CAMSAP1: variants seen among roughly 807,000 people sequenced by gnomAD.
The protein encoded by CAMSAP1 is calmodulin regulated spectrin associated protein 1, also known as calmodulin-regulated spectrin-associated protein 1.
In CAMSAP1, 58 loss-of-function variants were observed where a neutral mutation model predicts 143.5. The observed-to-expected ratio is 0.40, with a 90% CI of 0.33 to 0.50. CAMSAP1 has a LOEUF of 0.50. CAMSAP1 is among the 20% of genes least tolerant of loss of function. The pLI, the probability that CAMSAP1 is intolerant of heterozygous loss-of-function variation, is 0.45. For missense variants in CAMSAP1, 1,969 were observed against 2,115.7 expected, an observed-to-expected ratio of 0.93 and a Z score of 1.36; for synonymous variants, 945 against 859.3, an observed-to-expected ratio of 1.10 and a Z score of -1.74.
chr9:135,885,351 C>A (rs552847398), intron 1 of CAMSAP1, among the ~76,000 whole-genome samples: 2 of 152,172 alleles, frequency 1.3e-5, no homozygotes, highest in Admixed American at 6.5e-5. Flanking sequence ...CGAGCCTAAC[C>A]GGCCTGGTCC....
At position 135,818,943 on chromosome 9, in the gene CAMSAP1, G is replaced by A; in HGVS notation, c.3959+67C>T. ...GGTCCATGCTCAGTGCCAGCAACGG[G>A]ACCGGGGCCGCCAGGGACCCACCAG... is the stretch of plus-strand genomic sequence containing the variant. On this transcript the variant is annotated intron_variant, in intron 12 of 16. Transcript: ENST00000389532. This position sits in a 1 kb window ranked among gnomAD's most constrained non-coding sequence, Gnocchi z 7.7. 1.9e-6 allele frequency: 3 copies of A among 1,568,198 alleles called. No homozygotes were observed. Among genetic ancestry groups the A allele is most frequent in the Middle Eastern group, 4.4e-4 (2 of 4,578 alleles).
Position 135,813,815 on chromosome 9 carries a change from G to C in CAMSAP1, c.4506+1282C>G, listed in dbSNP as rs1328390766. On this transcript the variant is annotated intron_variant, in intron 16 of 16. Transcript: ENST00000389532. Reference sequence around the variant, plus strand: ...CACACTGCTGCACACTGGGCAGGGAGTGTGCCTTGTGACCAGCCCCCAAGG... The same window carrying C: ...CACACTGCTGCACACTGGGCAGGGACTGTGCCTTGTGACCAGCCCCCAAGG... Among the ~76,000 whole-genome samples, 4 of 152,376 alleles carry C rather than the reference G, an allele frequency of 2.6e-5. No homozygotes were observed. The East Asian group carries it at 7.7e-4, about 29-fold the overall frequency.
At chr9:135,839,953 T>C (rs1836277733) in intron 7 of CAMSAP1, among the ~76,000 whole-genome samples, 1 of 152,148 alleles carries the variant, frequency 6.6e-6, no homozygotes, top group Non-Finnish European at 1.5e-5. Context: ...GACACACACA[T>C]GAAGCAGCCA....
intron 1 of CAMSAP1, among the ~76,000 whole-genome samples, chr9:135,892,469 T>G (rs1242545571): frequency 2.0e-5 from 3 of 152,074 alleles, no homozygotes. Flanking sequence ...TTTGGAAAGC[T>G]AAGTCAGGTG....
Position 135,826,287 on chromosome 9 carries a change from G to A in CAMSAP1, c.1223+1120C>T, listed in dbSNP as rs1481799337. On this transcript the variant is annotated intron_variant, in intron 8 of 16. Coordinates refer to ENST00000389532, the MANE Select transcript of CAMSAP1 (RefSeq NM_015447.4). The surrounding 1 kb of genome is among the most constrained non-coding windows in gnomAD (Gnocchi z 4.4). The stretch of plus-strand genomic sequence containing the variant: ...CCACGCTGGCCCCATGTGAGGGACG[G>A]CTCAGCCTCGAGCCATTCTCCTCAC... 1 of 152,400 alleles carries A rather than the reference G, an allele frequency of 6.6e-6. No homozygotes were observed. The highest frequency in any genetic ancestry group is 1.5e-5 in the Non-Finnish European group (1 of 68,150). 9.4% of individuals were successfully genotyped at this position (152,400 alleles called of 1,614,324 possible).
chr9:135,866,753 C>A (rs959316387), intron 3 of CAMSAP1, among the ~76,000 whole-genome samples: 1 of 152,170 alleles, frequency 6.6e-6, no homozygotes. Context: ...CTGCCCCCGA[C>A]CCCCACCCCA....
Position 135,818,451 on chromosome 9 carries a change from C to A in CAMSAP1, c.4125G>T (p.Arg1375=). The change falls in exon 13 of 17, where the codon CGG becomes CGT. Residue 1375 remains arginine (R), a synonymous_variant. Coordinates refer to ENST00000389532, the MANE Select transcript of CAMSAP1 (RefSeq NM_015447.4). The surrounding 1 kb of genome is among the most constrained non-coding windows in gnomAD (Gnocchi z 7.7). ...TGCCGGAGTCGCTGCACGACTCTTC[C>A]CGGTGCACCGACTTCGGCCGCGGCT... The part of the protein sequence containing the change: ...PKKPRPKSVH[R]EESCSDSGTK... 2 of 1,600,926 alleles carry A rather than the reference C, an allele frequency of 1.2e-6. No individual in the cohort carries two copies. Among genetic ancestry groups the A allele is most frequent in the African/African-American group, 1.3e-5 (1 of 74,914 alleles).
intron 11 of CAMSAP1, among the ~76,000 whole-genome samples, chr9:135,819,667 C>A (rs1170369450): frequency 7.1e-6 from 1 of 140,090 alleles, no homozygotes; most frequent in African/African-American, 2.8e-5. Context: ...AACCCTGTCT[C>A]CACTTAAAAA....
chr9:135,898,094 C>T (rs1301755679), intron 1 of CAMSAP1, among the ~76,000 whole-genome samples: 1 of 152,078 alleles, frequency 6.6e-6, no homozygotes, highest in African/African-American at 2.4e-5. Context: ...AATACAAGTT[C>T]CTAGCTCAAG....
chr9:135,840,640 G>A (rs557496590), intron 7 of CAMSAP1, among the ~76,000 whole-genome samples: 1 of 152,346 alleles, frequency 6.6e-6, no homozygotes, highest in East Asian at 1.9e-4. Flanking sequence ...CAGAAGGCGG[G>A]TGATTTCTAC....
At chr9:135,827,371 G>A (rs1314265597) in intron 8 of CAMSAP1, 36 bp downstream of exon 8, 2 of 1,455,510 alleles carry the variant, frequency 1.4e-6, no homozygotes, top group African/African-American at 2.8e-5. Context: ...GACACAAGAT[G>A]GTGAACTGAT....
rs530522030 is a variant in CAMSAP1 at position 135,904,610 on chromosome 9, T to G, written c.160+2390A>C. Among the ~76,000 whole-genome samples, 484 of 152,080 alleles carry G rather than the reference T, an allele frequency of 3.2e-3. 2 individuals are homozygous for G. The highest frequency in any genetic ancestry group is 5.1e-3 in the Non-Finnish European group (344 of 67,994). On this transcript the variant is annotated intron_variant, in intron 1 of 16. Transcript: ENST00000389532. Reference sequence around the variant, plus strand: ...CACCTGGCTTAAAAACTTTTTTTTTTGTAATTACATATGCTCCCCCTGTGA... The same window carrying G: ...CACCTGGCTTAAAAACTTTTTTTTTGGTAATTACATATGCTCCCCCTGTGA...
chr9:135,882,467 A>G lies in CAMSAP1; in HGVS notation c.423+349T>C, dbSNP rs1433096178. 1.3e-5 allele frequency among the ~76,000 whole-genome samples: 2 copies of G among 152,302 alleles called. No individual in the cohort carries two copies. Among genetic ancestry groups the G allele is most frequent in the East Asian group, 1.9e-4 (1 of 5,180 alleles). On this transcript the variant is annotated intron_variant, in intron 2 of 16. Coordinates refer to ENST00000389532, the MANE Select transcript of CAMSAP1 (RefSeq NM_015447.4). This position sits in a 1 kb window ranked among gnomAD's most constrained non-coding sequence, Gnocchi z 4.9. ...AAGGCAGACTGAGTTATTTTAGCAC[A>G]AAGTATGCATGAAACAACCTAACAG...
In CAMSAP1 at chr9:135,882,751, G is replaced by C; in HGVS notation, c.423+65C>G. On this transcript the variant is annotated intron_variant, in intron 2 of 16. Coordinates refer to ENST00000389532, the MANE Select transcript of CAMSAP1 (RefSeq NM_015447.4). This position sits in a 1 kb window ranked among gnomAD's most constrained non-coding sequence, Gnocchi z 4.9. ...TGTTCACACCATCCATGCACCAGGT[G>C]CGCCACACGAGAGCCCACGGCTCCA... is the stretch of plus-strand genomic sequence containing the variant. 6.7e-7 allele frequency: 1 copy of C among 1,503,044 alleles called. No individual in the cohort carries two copies. Among genetic ancestry groups the C allele is most frequent in the Non-Finnish European group, 8.9e-7 (1 of 1,124,432 alleles). 93.1% of individuals were successfully genotyped at this position (1,503,044 alleles called of 1,614,324 possible).
chr9:135,825,196 G>C (rs999129966), intron 8 of CAMSAP1, among the ~76,000 whole-genome samples: 1 of 152,102 alleles, frequency 6.6e-6, no homozygotes, highest in Non-Finnish European at 1.5e-5. Flanking sequence ...AAAAGAAAAA[G>C]TGATCCTCTG....
chr9:135,849,254 G>GT (rs1216193810), intron 7 of CAMSAP1, among the ~76,000 whole-genome samples: 1 of 152,202 alleles, frequency 6.6e-6, no homozygotes, highest in East Asian at 1.9e-4. Context: ...AAAGTGCTGA[G>GT]TATCTCGTGT....
Position 135,818,002 on chromosome 9 carries a change from G to A in CAMSAP1, c.4246C>T (p.His1416Tyr). The A allele has an allele frequency of 4.3e-6, 7 of 1,613,938 alleles. No individual in the cohort carries two copies. The highest frequency in any genetic ancestry group is 5.9e-6 in the Non-Finnish European group (7 of 1,179,884). The change falls in exon 14 of 17, where the codon CAT (histidine) becomes TAT (tyrosine). Residue 1416 changes from histidine (H) to tyrosine (Y), a missense_variant. This residue lies in a region of CAMSAP1 where 1,390 missense variants were observed against 1,420.8 expected (regional missense o/e 0.98). Coordinates refer to ENST00000389532, the MANE Select transcript of CAMSAP1 (RefSeq NM_015447.4). This position sits in a 1 kb window ranked among gnomAD's most constrained non-coding sequence, Gnocchi z 7.7. ...SAATTEPESV[H>Y]SGGTPSQRVE... ...CGCTGAGAGGGTGTGCCCCCGGAAT[G>A]AACGCTCTCGGGTTCTGTCGTCGCC...
chr9:135,880,361 G>C (rs139558018), intron 3 of CAMSAP1, among the ~76,000 whole-genome samples: 1,890 of 152,124 alleles, frequency 0.012, 43 homozygotes, highest in Non-Finnish European at 0.012. Context: ...GAGGCAGAGT[G>C]GGGCAGAGAT....
rs1056111549 is a variant in CAMSAP1 at position 135,868,838 on chromosome 9, G to A, written c.586-2302C>T. Among the ~76,000 whole-genome samples, 7 of 151,970 alleles carry A rather than the reference G, an allele frequency of 4.6e-5. No individual in the cohort carries two copies. The South Asian group carries it at 6.2e-4, about 14-fold the overall frequency. Reference sequence around the variant, plus strand: ...TCACCGTGTTAGCCAGGATGATCTCGATATCCTGACCTCGTGATCCACCTG... The same window carrying A: ...TCACCGTGTTAGCCAGGATGATCTCAATATCCTGACCTCGTGATCCACCTG... On this transcript the variant is annotated intron_variant, in intron 3 of 16. Coordinates refer to ENST00000389532, the MANE Select transcript of CAMSAP1 (RefSeq NM_015447.4).
Sources: gnomAD v4.1 joint callset for allele counts (sites outside exome capture counted in the v4.1 genomes callset) on GRCh38, gnomAD v4.1.1 for gene constraint, gnomAD v4.1.1 regional missense constraint, Gnocchi (gnomAD v3.1) non-coding constraint, MANE v1.5 for transcripts, NCBI Gene and HGNC (gene_info 2026-07-23, HGNC 2026-07-21) for gene names.